LRRTM4: variants seen among roughly 807,000 people sequenced by gnomAD.
LRRTM4 encodes the protein leucine-rich repeat transmembrane neuronal protein 4.
LRRTM4 carries 25 observed loss-of-function variants against 47.6 expected under a neutral mutation model. That is an observed-to-expected ratio of 0.53 (90% CI 0.38 to 0.73). LRRTM4 has a LOEUF of 0.73. Ranked by LOEUF, LRRTM4 falls within the 30% of genes least tolerant of loss-of-function variation. The pLI, the probability that LRRTM4 is intolerant of heterozygous loss-of-function variation, is 0.00. For synonymous variants in LRRTM4, 311 were observed against 269.5 expected, an observed-to-expected ratio of 1.15 and a Z score of -1.51; for missense variants, 638 against 713.4, an observed-to-expected ratio of 0.89 and a Z score of 1.20.
intron 3 of LRRTM4, among the ~76,000 whole-genome samples, chr2:77,168,078 G>C (rs958510021): frequency 6.6e-6 from 1 of 151,978 alleles, no homozygotes; most frequent in East Asian, 1.9e-4. Flanking sequence ...CCCTTACTTT[G>C]GGTGTTTGTG....
At chr2:77,046,103 C>T (rs116124609) in intron 3 of LRRTM4, among the ~76,000 whole-genome samples, 2,269 of 151,968 alleles carry the variant, frequency 0.015, 67 homozygotes, top group African/African-American at 0.052. Flanking sequence ...AGTGGTTCTT[C>T]TCTTGTATTA....
At chr2:76,909,869 G>C (rs1397517592) in intron 3 of LRRTM4, among the ~76,000 whole-genome samples, 3 of 152,184 alleles carry the variant, frequency 2.0e-5, no homozygotes, top group Admixed American at 2.0e-4. Context: ...AGGATGTGAA[G>C]AAATAGGAAC....
At chr2:77,139,862 C>T (rs960752849) in intron 3 of LRRTM4, among the ~76,000 whole-genome samples, 10 of 152,124 alleles carry the variant, frequency 6.6e-5, no homozygotes, top group African/African-American at 1.9e-4. Flanking sequence ...GATGAGTGAA[C>T]TCCCATTCAC....
chr2:77,197,328 G>T (rs1248742069), intron 3 of LRRTM4, among the ~76,000 whole-genome samples: 1 of 152,124 alleles, frequency 6.6e-6, no homozygotes. Context: ...AGATATATTA[G>T]TGAACTTACT....
chr2:76,884,918 T>C (rs951120513), intron 3 of LRRTM4, among the ~76,000 whole-genome samples: 3 of 152,138 alleles, frequency 2.0e-5, no homozygotes, highest in Admixed American at 6.5e-5. Context: ...TAAATTTATA[T>C]AGTCATTATG....
At chr2:77,147,923 GT>G (rs1172662476) in intron 3 of LRRTM4, among the ~76,000 whole-genome samples, 1 of 152,102 alleles carries the variant, frequency 6.6e-6, no homozygotes, top group African/African-American at 2.4e-5. Context: ...GTTTATGGAT[GT>G]TTAGTCAAAT....
chr2:76,952,006 A>G (rs1675515169), intron 3 of LRRTM4, among the ~76,000 whole-genome samples: 3 of 151,982 alleles, frequency 2.0e-5, no homozygotes, highest in South Asian at 4.1e-4. Flanking sequence ...TATGTGCCAC[A>G]TTTTCTTTAT....
intron 3 of LRRTM4, among the ~76,000 whole-genome samples, chr2:77,265,603 A>G (rs1009934388): frequency 6.6e-6 from 1 of 152,128 alleles, no homozygotes; most frequent in African/African-American, 2.4e-5. Flanking sequence ...GCATTGTGTT[A>G]TAACAGCACA....
intron 3 of LRRTM4, among the ~76,000 whole-genome samples, chr2:77,393,269 T>C (rs886695176): frequency 2.0e-5 from 3 of 152,002 alleles, no homozygotes; most frequent in African/African-American, 7.2e-5. Flanking sequence ...ATGTGTCCTA[T>C]ATTTAACCCT....
intron 3 of LRRTM4, among the ~76,000 whole-genome samples, chr2:76,816,556 T>G (rs1371799270): frequency 1.2e-4 from 18 of 151,856 alleles, no homozygotes. Context: ...TTTTATTTAT[T>G]TTTTATTTTT....
At chr2:76,912,880 C>G (rs1674119096) in intron 3 of LRRTM4, among the ~76,000 whole-genome samples, 1 of 152,164 alleles carries the variant, frequency 6.6e-6, no homozygotes, top group Admixed American at 6.6e-5. Context: ...AGTTTGGAAG[C>G]TTCCTGAGGT....
At chr2:77,483,165 T>A (rs1677782839) in intron 3 of LRRTM4, among the ~76,000 whole-genome samples, 1 of 146,800 alleles carries the variant, frequency 6.8e-6, no homozygotes, top group Non-Finnish European at 1.5e-5. Context: ...TTCCACCGCA[T>A]TGTGTTAAAT....
At chr2:76,752,174 G>A (rs1371369245) in intron 3 of LRRTM4, among the ~76,000 whole-genome samples, 2 of 152,076 alleles carry the variant, frequency 1.3e-5, no homozygotes, top group Non-Finnish European at 2.9e-5. Flanking sequence ...AGGGCCTTAG[G>A]GATCTTTTTG....
chr2:76,794,735 GTGTACTGTCT>G (rs1379443760), intron 3 of LRRTM4, among the ~76,000 whole-genome samples: 2 of 147,628 alleles, frequency 1.4e-5, no homozygotes, highest in Non-Finnish European at 2.9e-5. Flanking sequence ...CTTTGCTATG[GTGTACTGTCT>G]TGTACTTTTG....
At chr2:77,152,294 A>T (rs1672450537) in intron 3 of LRRTM4, among the ~76,000 whole-genome samples, 1 of 152,068 alleles carries the variant, frequency 6.6e-6, no homozygotes, top group African/African-American at 2.4e-5. Flanking sequence ...TGCACTACCC[A>T]CTTGATGTGG....
At chr2:76,941,200 A>G (rs551173452) in intron 3 of LRRTM4, among the ~76,000 whole-genome samples, 68 of 152,382 alleles carry the variant, frequency 4.5e-4, no homozygotes, top group African/African-American at 1.6e-3. Flanking sequence ...CGATAAAGCC[A>G]TATCATCAGC....
intron 3 of LRRTM4, among the ~76,000 whole-genome samples, chr2:77,030,610 T>C (rs1031258698): frequency 2.0e-5 from 3 of 152,166 alleles, no homozygotes; most frequent in Non-Finnish European, 4.4e-5. Context: ...GAATCTACCC[T>C]TTAAAACAAT....
chr2:77,038,186 C>T (rs1475246288), intron 3 of LRRTM4, among the ~76,000 whole-genome samples: 2 of 151,508 alleles, frequency 1.3e-5, no homozygotes, highest in Non-Finnish European at 1.5e-5. Flanking sequence ...ATTCAACATC[C>T]TTACTATGGT....
chr2:76,776,453 A>T (rs1673998304), intron 3 of LRRTM4, among the ~76,000 whole-genome samples: 1 of 152,004 alleles, frequency 6.6e-6, no homozygotes, highest in African/African-American at 2.4e-5. Flanking sequence ...TGCCATTCTA[A>T]CTGGTGTGAG....
Sources: gnomAD v4.1 joint callset for allele counts (sites outside exome capture counted in the v4.1 genomes callset) on GRCh38, gnomAD v4.1.1 for gene constraint, MANE v1.5 for transcripts, NCBI Gene and HGNC (gene_info 2026-07-23, HGNC 2026-07-21) for gene names.